KATNAL1: variants seen among roughly 807,000 people sequenced by gnomAD.
KATNAL1 encodes the protein katanin catalytic subunit A1 like 1.
A neutral mutation model predicts 55.2 loss-of-function variants in KATNAL1; 32 were observed. The ratio of observed to expected loss-of-function variants is 0.58; its 90% CI spans 0.44 to 0.78. The LOEUF is 0.78. Ranked by LOEUF, KATNAL1 falls within the 30% of genes least tolerant of loss-of-function variation. KATNAL1 has a pLI of 0.00. For missense variants in KATNAL1, 466 were observed against 600.9 expected (o/e 0.78, Z 2.35); for synonymous variants, 193 against 193.6 (o/e 1.00, Z 0.02).
At chr13:30,273,268 TATC>T (rs1341625485) in intron 3 of KATNAL1, among the ~76,000 whole-genome samples, 2 of 152,228 alleles carry the variant, frequency 1.3e-5, no homozygotes, top group African/African-American at 4.8e-5. Flanking sequence ...TGTGCATACT[TATC>T]ATCTTCTGCT....
At chr13:30,240,124 C>T (rs1170037897) in intron 6 of KATNAL1, among the ~76,000 whole-genome samples, 1 of 152,196 alleles carries the variant, frequency 6.6e-6, no homozygotes, top group African/African-American at 2.4e-5. Context: ...TCACACCTTT[C>T]TTCTATAAGA....
chr13:30,229,001 C>T (rs1173439275), intron 8 of KATNAL1, among the ~76,000 whole-genome samples: 2 of 152,216 alleles, frequency 1.3e-5, no homozygotes, highest in Non-Finnish European at 2.9e-5. Context: ...GATCCTCCTA[C>T]CTCAGCCTCC....
intron 4 of KATNAL1, among the ~76,000 whole-genome samples, chr13:30,250,507 C>T (rs1878196525): frequency 6.6e-6 from 1 of 152,120 alleles, no homozygotes; most frequent in Non-Finnish European, 1.5e-5. Flanking sequence ...ACAATTTGTG[C>T]ACTTTTCTTC....
At chr13:30,229,289 T>C (rs1001222048) in intron 8 of KATNAL1, among the ~76,000 whole-genome samples, 2 of 152,080 alleles carry the variant, frequency 1.3e-5, no homozygotes, top group African/African-American at 4.8e-5. Flanking sequence ...GCCTCTCCTG[T>C]GTTTTCCACT....
rs1338572536 is a variant in KATNAL1 at position 30,207,203 on chromosome 13, A to G, written c.*1337T>C. On this transcript the variant is annotated 3_prime_UTR_variant, in exon 11 of 11. Coordinates refer to ENST00000380615, the MANE Select transcript of KATNAL1 (RefSeq NM_032116.5). Reference sequence around the variant, plus strand: ...CCATTAAAGCATAAATTGCCTAATGAGACACATGTAATCATAAAAACTAAC... The same window carrying G: ...CCATTAAAGCATAAATTGCCTAATGGGACACATGTAATCATAAAAACTAAC... 3 of 152,256 alleles carry G rather than the reference A, an allele frequency of 2.0e-5. No individual in the cohort carries two copies. Among genetic ancestry groups the G allele is most frequent in the Non-Finnish European group, 4.4e-5 (3 of 68,042 alleles). 9.4% of individuals were successfully genotyped at this position (152,256 alleles called of 1,614,324 possible).
intron 6 of KATNAL1, among the ~76,000 whole-genome samples, chr13:30,239,171 A>G (rs1876994266): frequency 6.6e-6 from 1 of 152,156 alleles, no homozygotes; most frequent in Admixed American, 6.5e-5. Context: ...GCACTTCGGG[A>G]GACCAAGGTG....
chr13:30,306,747 A>G (rs978542304), intron 1 of KATNAL1: 1 of 151,574 alleles, frequency 6.6e-6, no homozygotes, highest in Non-Finnish European at 1.5e-5. Flanking sequence ...CTCACATCCA[A>G]TGTGTGACAT....
Position 30,208,313 on chromosome 13 carries a change from C to G in KATNAL1, c.*227G>C, listed in dbSNP as rs1873338093. The G allele has an allele frequency of 2.3e-6, 1 of 443,578 alleles. No homozygotes were observed. Among genetic ancestry groups the G allele is most frequent in the Non-Finnish European group, 4.0e-6 (1 of 251,080 alleles). The allele number at this position is 443,578 out of a possible 1,614,324, so 27.5% of individuals were successfully genotyped here. ...CTGGTTTGGGTGTGCAATATTAATG[C>G]AGGAATACGTGGAATACCAGCACAA... On this transcript the variant is annotated 3_prime_UTR_variant, in exon 11 of 11. Coordinates refer to ENST00000380615, the MANE Select transcript of KATNAL1 (RefSeq NM_032116.5).
intron 3 of KATNAL1, among the ~76,000 whole-genome samples, chr13:30,279,524 AAAAG>A (rs1205151073): frequency 1.3e-5 from 2 of 152,186 alleles, no homozygotes; most frequent in African/African-American, 4.8e-5. Context: ...AAAAAAGGCA[AAAAG>A]AGAGAGGTTT....
chr13:30,258,182 A>G (rs1469248263), intron 3 of KATNAL1, among the ~76,000 whole-genome samples: 2 of 152,234 alleles, frequency 1.3e-5, no homozygotes, highest in Non-Finnish European at 2.9e-5. Context: ...CTGCAGGTGA[A>G]AGACAAAAAT....
chr13:30,235,857 A>G (rs922460033), intron 6 of KATNAL1, among the ~76,000 whole-genome samples: 3 of 152,202 alleles, frequency 2.0e-5, no homozygotes, highest in Non-Finnish European at 2.9e-5. Flanking sequence ...CCAAAAAAAA[A>G]AAATCATTGA....
chr13:30,227,074 A>G (rs1875558304), intron 9 of KATNAL1, among the ~76,000 whole-genome samples: 1 of 147,012 alleles, frequency 6.8e-6, no homozygotes, highest in East Asian at 2.0e-4. Context: ...AGACTGTGTC[A>G]CAAAATAAAT....
At chr13:30,233,451 A>T (rs1410348318) in intron 6 of KATNAL1, among the ~76,000 whole-genome samples, 2 of 152,158 alleles carry the variant, frequency 1.3e-5, no homozygotes, top group African/African-American at 4.8e-5. Context: ...AAAGATAGCT[A>T]ATAATAGATG....
rs780132427 is a variant in KATNAL1, at chr13:30,230,449, A to G, written c.1012+19T>C. 1 of 1,600,644 alleles carries G rather than the reference A, an allele frequency of 6.2e-7. No homozygotes were observed. The highest frequency in any genetic ancestry group is 1.1e-5 in the South Asian group (1 of 88,028). The stretch of plus-strand genomic sequence containing the variant: ...ATTTAAAAATGAGAGTTTTGAAACA[A>G]TAATTAAATATCAATTACCATCCAT... On this transcript the variant is annotated intron_variant, in intron 8 of 10. Transcript: ENST00000380615.
At chr13:30,270,927 TAAAAAAAA>T (rs112902595) in intron 3 of KATNAL1, among the ~76,000 whole-genome samples, 4 of 132,988 alleles carry the variant, frequency 3.0e-5, no homozygotes, top group African/African-American at 1.1e-4. Flanking sequence ...AATAATAAAA[TAAAAAAAA>T]AAAAAGAAAA....
chr13:30,271,483 T>A (rs1880351553), intron 3 of KATNAL1, among the ~76,000 whole-genome samples: 2 of 152,070 alleles, frequency 1.3e-5, no homozygotes, highest in Non-Finnish European at 2.9e-5. Flanking sequence ...ACACATCACA[T>A]GGCCAGAGCA....
chr13:30,254,037 C>A (rs1384264893), intron 4 of KATNAL1, among the ~76,000 whole-genome samples: 1 of 152,068 alleles, frequency 6.6e-6, no homozygotes, highest in Non-Finnish European at 1.5e-5. Flanking sequence ...CGGTGCCCAG[C>A]AAAGCAGCAT....
intron 1 of KATNAL1, among the ~76,000 whole-genome samples, chr13:30,304,229 T>C (rs1464319093): frequency 2.0e-5 from 3 of 151,920 alleles, no homozygotes; most frequent in Non-Finnish European, 2.9e-5. Flanking sequence ...AACTAGGGTC[T>C]CATTTGTAGG....
chr13:30,290,736 G>A (rs772375719), intron 1 of KATNAL1, among the ~76,000 whole-genome samples: 2 of 152,104 alleles, frequency 1.3e-5, no homozygotes, highest in Non-Finnish European at 2.9e-5. Context: ...AATAGATAAT[G>A]TATTATGACC....
Sources: allele counts gnomAD v4.1 joint callset (sites outside exome capture counted in the v4.1 genomes callset), GRCh38; gene constraint gnomAD v4.1.1; transcripts MANE v1.5; gene names NCBI Gene and HGNC (gene_info 2026-07-23, HGNC 2026-07-21).